The following ZNF385B variants were observed in gnomAD, a reference collection of about 807,000 sequenced individuals.
ZNF385B encodes zinc finger protein 385B.
A neutral mutation model predicts 39.2 loss-of-function variants in ZNF385B; 23 were observed. That is an observed-to-expected ratio of 0.59 (90% CI 0.42 to 0.83). The LOEUF (loss-of-function observed/expected upper bound fraction) is 0.83, where lower values mean the gene tolerates loss of function less well. ZNF385B is among the 40% of genes least tolerant of loss of function. ZNF385B has a pLI of 0.00. For synonymous variants in ZNF385B, 205 were observed against 222.6 expected (o/e 0.92, Z 0.70); for missense variants, 552 against 598.9 (o/e 0.92, Z 0.82).
At chr2:179,835,356 G>C (rs1575575918) in intron 1 of ZNF385B, among the ~76,000 whole-genome samples, 1 of 152,196 alleles carries the variant, frequency 6.6e-6, no homozygotes, top group Non-Finnish European at 1.5e-5. Flanking sequence ...ATGTTGGGCA[G>C]GGGGAAGGTG....
chr2:179,522,242 TA>T (rs1179814593), intron 4 of ZNF385B, among the ~76,000 whole-genome samples: 1 of 152,160 alleles, frequency 6.6e-6, no homozygotes, highest in Non-Finnish European at 1.5e-5. Context: ...TTAAAAAGTA[TA>T]AAGTGGTAAA....
chr2:179,662,751 G>A (rs1694643563), intron 3 of ZNF385B, among the ~76,000 whole-genome samples: 1 of 151,942 alleles, frequency 6.6e-6, no homozygotes, highest in Non-Finnish European at 1.5e-5. Flanking sequence ...TATTTCTTCT[G>A]TTTTCCATTC....
intron 6 of ZNF385B, among the ~76,000 whole-genome samples, chr2:179,466,308 C>T (rs1469647501): frequency 1.3e-5 from 2 of 151,686 alleles, no homozygotes; most frequent in Non-Finnish European, 2.9e-5. Context: ...AAATCCTATA[C>T]AAACATACAT....
intron 4 of ZNF385B, among the ~76,000 whole-genome samples, chr2:179,518,935 G>C (rs2058289497): frequency 6.6e-6 from 1 of 152,098 alleles, no homozygotes; most frequent in South Asian, 2.1e-4. Context: ...AACCTTAGAA[G>C]AATCATAAAA....
At chr2:179,537,098 G>A (rs190280820) in intron 4 of ZNF385B, among the ~76,000 whole-genome samples, 39 of 150,652 alleles carry the variant, frequency 2.6e-4, no homozygotes, top group African/African-American at 9.3e-4. Flanking sequence ...ATCACCTGAG[G>A]TCGAGAGTTC....
intron 1 of ZNF385B, among the ~76,000 whole-genome samples, chr2:179,823,494 A>AT (rs1707516809): frequency 1.3e-5 from 2 of 151,594 alleles, no homozygotes; most frequent in South Asian, 4.2e-4. Flanking sequence ...ATTTGTTCCC[A>AT]TTTTTTCTCT....
At chr2:179,842,166 T>C (rs1708569457) in intron 1 of ZNF385B, among the ~76,000 whole-genome samples, 1 of 152,212 alleles carries the variant, frequency 6.6e-6, no homozygotes, top group South Asian at 2.1e-4. Flanking sequence ...TTTGAGTAAG[T>C]GGTGGTTTTT....
At position 179,769,684 on chromosome 2, in the gene ZNF385B, C is replaced by G. The variant is rs1301196403; in HGVS notation, c.117G>C (p.Leu39Phe). The change falls in exon 3 of 10, where the codon TTG (leucine) becomes TTC (phenylalanine). Residue 39 changes from leucine (L) to phenylalanine (F), a missense_variant. Physicochemically the swap from Leu to Phe is conservative, Grantham distance 22 (BLOSUM62 0). Transcript: ENST00000410066. ...GIKNDRPEDQ[L>F]SKEKKKILFS... Reference sequence around the variant, plus strand: ...AAAGAATTTTCTTTTTCTCTTTGCTCAACTGGTCCTCAGGCCTGTCGTTCT... The same window carrying G: ...AAAGAATTTTCTTTTTCTCTTTGCTGAACTGGTCCTCAGGCCTGTCGTTCT... The G allele has an allele frequency of 6.2e-7, 1 of 1,614,190 alleles. No homozygotes were observed. Among genetic ancestry groups the G allele is most frequent in the South Asian group, 1.1e-5 (1 of 91,084 alleles).
intron 5 of ZNF385B, among the ~76,000 whole-genome samples, chr2:179,502,073 T>A (rs905300350): frequency 6.6e-6 from 1 of 152,192 alleles, no homozygotes; most frequent in African/African-American, 2.4e-5. Context: ...ACTTGGGTGG[T>A]GCCTATAGCC....
At chr2:179,586,088 T>C (rs1687045967) in intron 3 of ZNF385B, among the ~76,000 whole-genome samples, 1 of 152,242 alleles carries the variant, frequency 6.6e-6, no homozygotes, top group Admixed American at 6.5e-5. Context: ...TGGGGCTTTA[T>C]GCTGACTCAC....
At position 179,689,309 on chromosome 2, in the gene ZNF385B, T is replaced by G. The variant is rs1047914791; in HGVS notation, c.298+80194A>C. 2.0e-5 allele frequency among the ~76,000 whole-genome samples: 3 copies of G among 152,140 alleles called. No individual in the cohort carries two copies. In the South Asian group the frequency reaches 6.2e-4, roughly 32 times the overall value. ...CGAGAACCAAGGAATTAGGTGATGG[T>G]GGAGGGGGCTCCTAGTGAGAACTGC... On this transcript the variant is annotated intron_variant, in intron 3 of 9. Coordinates refer to ENST00000410066, the MANE Select transcript of ZNF385B (RefSeq NM_152520.6).
chr2:179,681,184 T>A (rs185326978), intron 3 of ZNF385B, among the ~76,000 whole-genome samples: 92 of 151,878 alleles, frequency 6.1e-4, no homozygotes, highest in Non-Finnish European at 1.1e-3. Context: ...TAAAACTACA[T>A]AAATTTATTA....
At chr2:179,679,479 C>T (rs1697304190) in intron 3 of ZNF385B, among the ~76,000 whole-genome samples, 1 of 152,144 alleles carries the variant, frequency 6.6e-6, no homozygotes, top group African/African-American at 2.4e-5. Flanking sequence ...AAAAACTGTC[C>T]TAAACTGACC....
chr2:179,548,408 GGTTTGTTT>G (rs34315008), intron 3 of ZNF385B, among the ~76,000 whole-genome samples: 4 of 148,298 alleles, frequency 2.7e-5, no homozygotes, highest in Non-Finnish European at 4.5e-5. Context: ...TGGCATGTAA[GGTTTGTTT>G]GTTTGTTTGT....
chr2:179,600,182 A>G (rs190493104), intron 3 of ZNF385B, among the ~76,000 whole-genome samples: 1 of 152,318 alleles, frequency 6.6e-6, no homozygotes, highest in East Asian at 1.9e-4. Context: ...GGCTTAGCCT[A>G]AGGCCAACCA....
chr2:179,707,090 T>C (rs1272970926), intron 3 of ZNF385B, among the ~76,000 whole-genome samples: 1 of 152,188 alleles, frequency 6.6e-6, no homozygotes, highest in South Asian at 2.1e-4. Flanking sequence ...GTAGTCACCA[T>C]CAAGATAAAA....
intron 3 of ZNF385B, among the ~76,000 whole-genome samples, chr2:179,697,273 G>A (rs939642280): frequency 3.9e-5 from 6 of 152,168 alleles, no homozygotes; most frequent in Non-Finnish European, 7.3e-5. Context: ...TTCCCCAGGT[G>A]TTAAGGGAGG....
intron 3 of ZNF385B, among the ~76,000 whole-genome samples, chr2:179,715,028 C>G (rs1700246365): frequency 6.7e-6 from 1 of 149,938 alleles, no homozygotes; most frequent in Non-Finnish European, 1.5e-5. Context: ...CAAAAATTTT[C>G]CTGTTTATAC....
intron 4 of ZNF385B, among the ~76,000 whole-genome samples, chr2:179,530,888 T>G (rs1007781134): frequency 1.2e-4 from 19 of 152,130 alleles, no homozygotes; most frequent in African/African-American, 4.1e-4. Context: ...TAATTCCACA[T>G]GCCACATAAC....
Sources: gnomAD v4.1 joint callset for allele counts (sites outside exome capture counted in the v4.1 genomes callset) on GRCh38, gnomAD v4.1.1 for gene constraint, MANE v1.5 for transcripts, NCBI Gene and HGNC (gene_info 2026-07-23, HGNC 2026-07-21) for gene names.